GAS2: variants seen among roughly 807,000 people sequenced by gnomAD.
The protein encoded by GAS2 is growth arrest-specific protein 2.
A neutral mutation model predicts 37.5 loss-of-function variants in GAS2; 20 were observed. The observed-to-expected ratio is 0.53, with a 90% CI of 0.37 to 0.77. The LOEUF is 0.77. Among genes scored for constraint, GAS2 ranks in the 30% least tolerant of loss-of-function variants. The probability of loss-of-function intolerance (pLI) is 0.00; values close to 1 mark genes in which losing one functional copy is unlikely to be tolerated. For missense variants in GAS2, 336 were observed against 373.4 expected, an observed-to-expected ratio of 0.90 and a Z score of 0.82; for synonymous variants, 144 against 132.2, an observed-to-expected ratio of 1.09 and a Z score of -0.61.
intron 7 of GAS2, among the ~76,000 whole-genome samples, chr11:22,808,892 T>G (rs932644251): frequency 6.6e-5 from 10 of 152,184 alleles, no homozygotes; most frequent in African/African-American, 2.4e-4. Context: ...TGTGGGAATA[T>G]GAATATGTGG....
At chr11:22,751,008 C>G (rs994615086) in intron 6 of GAS2, among the ~76,000 whole-genome samples, 1 of 151,836 alleles carries the variant, frequency 6.6e-6, no homozygotes, top group Admixed American at 6.6e-5. Flanking sequence ...CACTGTTGAC[C>G]ACTCCATTCT....
chr11:22,748,377 A>T (rs1191150484), intron 5 of GAS2, among the ~76,000 whole-genome samples: 1 of 152,114 alleles, frequency 6.6e-6, no homozygotes, highest in Non-Finnish European at 1.5e-5. Flanking sequence ...GTACCTAGGA[A>T]ACCAAATCTA....
At chr11:22,634,481 C>G (rs569662978) in intron 1 of GAS2, among the ~76,000 whole-genome samples, 3 of 152,264 alleles carry the variant, frequency 2.0e-5, no homozygotes, top group East Asian at 1.9e-4. Flanking sequence ...CACACTGCAC[C>G]TGTTGTGCCT....
chr11:22,703,448 G>A (rs976540191), intron 3 of GAS2, among the ~76,000 whole-genome samples: 1 of 152,148 alleles, frequency 6.6e-6, no homozygotes, highest in Non-Finnish European at 1.5e-5. Context: ...TACTAAATGT[G>A]TTGGAGAAAC....
intron 7 of GAS2, among the ~76,000 whole-genome samples, chr11:22,795,969 G>A (rs76895713): frequency 4.4e-3 from 664 of 152,250 alleles, no homozygotes; most frequent in Non-Finnish European, 7.3e-3. Flanking sequence ...ATATTTTACT[G>A]TGAAAATTTT....
At chr11:22,641,132 G>A (rs1005279519) in intron 1 of GAS2, among the ~76,000 whole-genome samples, 2 of 150,102 alleles carry the variant, frequency 1.3e-5, no homozygotes, top group Non-Finnish European at 3.0e-5. Context: ...CGGAAGGACT[G>A]GAGGAGGGAG....
chr11:22,711,145 G>T (rs1432294559), intron 3 of GAS2, among the ~76,000 whole-genome samples: 1 of 152,146 alleles, frequency 6.6e-6, no homozygotes, highest in Non-Finnish European at 1.5e-5. Context: ...AAAACTATGA[G>T]TTCCCAAAGT....
At chr11:22,649,392 T>C (rs1340734116) in intron 1 of GAS2, among the ~76,000 whole-genome samples, 8 of 151,978 alleles carry the variant, frequency 5.3e-5, no homozygotes, top group Non-Finnish European at 1.0e-4. Flanking sequence ...TTTGGTTGTG[T>C]CTCTGCCCGG....
At chr11:22,696,484 T>C (rs903733349) in intron 3 of GAS2, among the ~76,000 whole-genome samples, 2 of 151,964 alleles carry the variant, frequency 1.3e-5, no homozygotes, top group African/African-American at 4.8e-5. Flanking sequence ...GGTCAAATGG[T>C]ATTTCTAGTT....
chr11:22,806,858 A>G (rs898280253), intron 7 of GAS2, among the ~76,000 whole-genome samples: 28 of 152,180 alleles, frequency 1.8e-4, no homozygotes, highest in African/African-American at 6.8e-4. Context: ...AAACCCTTCC[A>G]TCTCCCAAGA....
At chr11:22,751,261 C>T (rs1853710860) in intron 6 of GAS2, among the ~76,000 whole-genome samples, 1 of 151,962 alleles carries the variant, frequency 6.6e-6, no homozygotes, top group Non-Finnish European at 1.5e-5. Context: ...CTTCTGCCTA[C>T]TCACCTGTTA....
intron 7 of GAS2, among the ~76,000 whole-genome samples, chr11:22,778,106 C>T (rs1361072369): frequency 2.0e-5 from 3 of 152,128 alleles, no homozygotes; most frequent in Admixed American, 1.3e-4. Flanking sequence ...AATTACTCCT[C>T]CCCTAGAAAA....
At chr11:22,645,013 A>G (rs1395414920) in intron 1 of GAS2, among the ~76,000 whole-genome samples, 1 of 152,146 alleles carries the variant, frequency 6.6e-6, no homozygotes, top group African/African-American at 2.4e-5. Context: ...GATGCTGTAC[A>G]TAGAGGAGGA....
At chr11:22,708,442 T>C (rs1979424) in intron 3 of GAS2, among the ~76,000 whole-genome samples, 2 of 151,996 alleles carry the variant, frequency 1.3e-5, no homozygotes, top group Non-Finnish European at 2.9e-5. Context: ...TTCTGTTTAA[T>C]CTTATATAAC....
At chr11:22,704,984 A>G (rs540265467) in intron 3 of GAS2, among the ~76,000 whole-genome samples, 3 of 152,266 alleles carry the variant, frequency 2.0e-5, no homozygotes, top group Non-Finnish European at 4.4e-5. Flanking sequence ...CTAAGTATTT[A>G]CTTCGTGTCA....
rs115538428 is a variant in GAS2, at chr11:22,757,134, A to G, written c.723+1181A>G. ...TCCTTTTTGTAATAAAAGTGTTAAT[A>G]AAGCACATGATTAATAAATTATATA... On this transcript the variant is annotated intron_variant, in intron 7 of 7. Coordinates refer to ENST00000454584, the MANE Select transcript of GAS2 (RefSeq NM_001143830.3). 5.6e-3 allele frequency among the ~76,000 whole-genome samples: 856 copies of G among 152,242 alleles called. 14 individuals are homozygous for G. The highest frequency in any genetic ancestry group is 0.019 in the African/African-American group (775 of 41,566).
intron 7 of GAS2, among the ~76,000 whole-genome samples, chr11:22,782,739 A>AAAT (rs1554908101): frequency 1.4e-4 from 20 of 146,774 alleles, no homozygotes; most frequent in African/African-American, 3.8e-4. Flanking sequence ...AAAAAAAAAA[A>AAAT]AATAATAATA....
At chr11:22,727,351 A>C (rs1218033854) in intron 4 of GAS2, among the ~76,000 whole-genome samples, 2 of 152,112 alleles carry the variant, frequency 1.3e-5, no homozygotes, top group African/African-American at 4.8e-5. Context: ...TATCAAAGTA[A>C]GGTGAGCATC....
At chr11:22,693,689 A>C (rs188316206) in intron 3 of GAS2, among the ~76,000 whole-genome samples, 2 of 152,314 alleles carry the variant, frequency 1.3e-5, no homozygotes, top group East Asian at 3.9e-4. Flanking sequence ...TTATAGTGTA[A>C]AGTAGGTTTA....
Sources: allele counts gnomAD v4.1 joint callset (sites outside exome capture counted in the v4.1 genomes callset), GRCh38; gene constraint gnomAD v4.1.1; transcripts MANE v1.5; gene names NCBI Gene and HGNC (gene_info 2026-07-23, HGNC 2026-07-21).